Variants in ZBTB39 observed in about 807,000 individuals in gnomAD.
The protein encoded by ZBTB39 is zinc finger and BTB domain containing 39.
Under a neutral mutation model 39.4 loss-of-function variants are expected in ZBTB39, and 25 were observed. That is an observed-to-expected ratio of 0.63 (90% CI 0.46 to 0.89). ZBTB39 has a LOEUF of 0.89. Among genes scored for constraint, ZBTB39 ranks in the 40% least tolerant of loss-of-function variants. The pLI, the probability that ZBTB39 is intolerant of heterozygous loss-of-function variation, is 0.00. For synonymous variants in ZBTB39, 373 were observed against 359.6 expected (o/e 1.04, Z -0.42); for missense variants, 891 against 909.7 (o/e 0.98, Z 0.26).
chr12:57,003,281 C>T lies in ZBTB39; in HGVS notation c.1637G>A (p.Ser546Asn). Residue 546 changes from serine to asparagine, a missense_variant, in exon 2 of 2, where the codon AGC (serine) becomes AAC (asparagine). Transcript: ENST00000300101. The surrounding 1 kb of genome is among the most constrained non-coding windows in gnomAD (Gnocchi z 4.8). The stretch of plus-strand genomic sequence containing the variant: ...GCGATAGGCAGCCTCTGACTTGAAG[C>T]TCTGGCTGCACAAGCGGCAGTGGAA... ...ALFHCRLCSQ[S>N]FKSEAAYRYH... 6.2e-7 allele frequency: 1 copy of T among 1,614,134 alleles called. No homozygotes were observed. The highest frequency in any genetic ancestry group is 1.3e-5 in the African/African-American group (1 of 75,054).
chr12:57,003,248 A>C lies in ZBTB39; in HGVS notation c.1670T>G (p.Val557Gly). 2 of 1,614,220 alleles carry C rather than the reference A, an allele frequency of 1.2e-6. No homozygotes were observed. Among genetic ancestry groups the C allele is most frequent in the Non-Finnish European group, 1.7e-6 (2 of 1,180,026 alleles). The change falls in exon 2 of 2, where the codon GTC (valine) becomes GGC (glycine). Residue 557 changes from valine to glycine, a missense_variant. Coordinates refer to ENST00000300101, the MANE Select transcript of ZBTB39 (RefSeq NM_014830.3). This position sits in a 1 kb window ranked among gnomAD's most constrained non-coding sequence, Gnocchi z 4.8. Reference protein sequence around the residue: ...FKSEAAYRYHVSQHKCNSGLD... With the variant: ...FKSEAAYRYHGSQHKCNSGLD... ...GCCACTGTTGCATTTGTGCTGGCTG[A>C]CGTGGTAGCGATAGGCAGCCTCTGA...
In ZBTB39 at chr12:57,003,780, G is replaced by A. The variant is rs1956226790; in HGVS notation, c.1138C>T (p.His380Tyr). The change falls in exon 2 of 2, where the codon CAC becomes TAC. Residue 380 changes from histidine to tyrosine, a missense_variant. Transcript: ENST00000300101. The surrounding 1 kb of genome is among the most constrained non-coding windows in gnomAD (Gnocchi z 4.8). ...ACCCGGGAGTTTCGGTCCTGGAAGT[G>A]GGTCTCGCAGACCTTGCAGTTGCCC... is the stretch of plus-strand genomic sequence containing the variant. ...LTGNCKVCET[H>Y]FQDRNSRVTH... The A allele has an allele frequency of 1.2e-6, 2 of 1,614,094 alleles. No individual in the cohort carries two copies. Among genetic ancestry groups the A allele is most frequent in the African/African-American group, 1.3e-5 (1 of 74,920 alleles).
In ZBTB39 at chr12:57,001,677, G is replaced by C. The variant is rs552163243; in HGVS notation, c.*1102C>G. The C allele has an allele frequency of 3.9e-5, 6 of 152,802 alleles. No homozygotes were observed. The highest frequency in any genetic ancestry group is 8.8e-5 in the Non-Finnish European group (6 of 68,066). The allele number at this position is 152,802 out of a possible 1,614,324, so 9.5% of individuals were successfully genotyped here. On this transcript the variant is annotated 3_prime_UTR_variant, in exon 2 of 2. Transcript: ENST00000300101. ...GTCAAAGGTGAGCTGACAAAGCTCCGGCACTGTTAGCACAAAGTAAACAGG... is the reference window on the plus strand; with the variant it reads ...GTCAAAGGTGAGCTGACAAAGCTCCCGCACTGTTAGCACAAAGTAAACAGG...
rs776039675 is a variant in ZBTB39, at chr12:57,004,213, C to T, written c.705G>A (p.Thr235=). Reference sequence around the variant, plus strand: ...AGGAGCTCGTGCTGGTCTGGATGCCCGTGCTGACAGTGCCTAGGAGTGGCT... The same window carrying T: ...AGGAGCTCGTGCTGGTCTGGATGCCTGTGCTGACAGTGCCTAGGAGTGGCT... ...MTQPLLGTVS[T]GIQTSTSSCQ... The change falls in exon 2 of 2, where the codon ACG becomes ACA. Residue 235 remains threonine (T), a synonymous_variant. Coordinates refer to ENST00000300101, the MANE Select transcript of ZBTB39 (RefSeq NM_014830.3). 1.3e-5 allele frequency: 21 copies of T among 1,614,032 alleles called. No homozygotes were observed. Among genetic ancestry groups the T allele is most frequent in the South Asian group, 4.4e-5 (4 of 91,074 alleles).
chr12:57,002,919 C>T lies in ZBTB39; in HGVS notation c.1999G>A (p.Gly667Arg), dbSNP rs1166112845. 6.2e-7 allele frequency: 1 copy of T among 1,614,224 alleles called. No individual in the cohort carries two copies. Among genetic ancestry groups the T allele is most frequent in the South Asian group, 1.1e-5 (1 of 91,086 alleles). ...GALMYRCTVC[G>R]HYSSTLNLMS... ...AGGTTAAGGGTGGAACTGTAGTGCC[C>T]ACAGACTGTGCAGCGGTACATGAGG... is the stretch of plus-strand genomic sequence containing the variant. The change falls in exon 2 of 2, where the codon GGG becomes AGG. Residue 667 changes from glycine (G) to arginine (R), a missense_variant. Gly to Arg is a moderately radical substitution (Grantham distance 125, BLOSUM62 -2). Coordinates refer to ENST00000300101, the MANE Select transcript of ZBTB39 (RefSeq NM_014830.3).
rs1592451482 is a variant in ZBTB39 at position 57,003,652 on chromosome 12, T to C, written c.1266A>G (p.Gly422=). 2 of 1,614,140 alleles carry C rather than the reference T, an allele frequency of 1.2e-6. No individual in the cohort carries two copies. The highest frequency in any genetic ancestry group is 1.7e-6 in the Non-Finnish European group (2 of 1,180,020). Residue 422 remains glycine (G), a synonymous_variant, in exon 2 of 2, where the codon GGA becomes GGG. Coordinates refer to ENST00000300101, the MANE Select transcript of ZBTB39 (RefSeq NM_014830.3). The surrounding 1 kb of genome is among the most constrained non-coding windows in gnomAD (Gnocchi z 4.8). ...GGACAATGATGTTGTTCTCAAATATTCCATCCCGTCGGTGAAGGGTCAGCT... is the reference window on the plus strand; with the variant it reads ...GGACAATGATGTTGTTCTCAAATATCCCATCCCGTCGGTGAAGGGTCAGCT... The part of the protein sequence containing the change: ...QWQLTLHRRD[G]IFENNIIVHP...
rs199518174 is a variant in ZBTB39 at position 57,003,811 on chromosome 12, C to G, written c.1107G>C (p.Leu369=). The stretch of plus-strand genomic sequence containing the variant: ...CGCAGACCTTGCAGTTGCCCGTCAG[C>G]AGGTCCACATGGTCCCGAGCATGCT... ...IRQHARDHVD[L]LTGNCKVCET... The change falls in exon 2 of 2, where the codon CTG becomes CTC. Residue 369 remains leucine (L), a synonymous_variant. Transcript: ENST00000300101. This position sits in a 1 kb window ranked among gnomAD's most constrained non-coding sequence, Gnocchi z 4.8. 217 of 1,614,096 alleles carry G rather than the reference C, an allele frequency of 1.3e-4. No homozygotes were observed. The highest frequency in any genetic ancestry group is 1.7e-4 in the Non-Finnish European group (205 of 1,180,048).
chr12:57,005,485 C>T (rs1956239579), intron 1 of ZBTB39, among the ~76,000 whole-genome samples: 1 of 152,166 alleles, frequency 6.6e-6, no homozygotes, highest in African/African-American at 2.4e-5. Flanking sequence ...ATCTCACGTT[C>T]TTGAATCCCC....
chr12:57,002,798 T>C lies in ZBTB39; in HGVS notation c.2120A>G (p.Asp707Gly). 1.2e-6 allele frequency: 2 copies of C among 1,613,968 alleles called. No individual in the cohort carries two copies. The highest frequency in any genetic ancestry group is 1.1e-5 in the South Asian group (1 of 91,078). The change falls in exon 2 of 2, where the codon GAT (aspartate) becomes GGT (glycine). Residue 707 changes from aspartate to glycine, a missense_variant. Transcript: ENST00000300101. ...ACCCAGTCAACTGTCCGGGTTCTTA[T>C]CCGCCTCTTTGGAATGGATGATGTA... ...FMYIIHSKEA[D>G]KNPDS
In ZBTB39 at chr12:57,002,121, A is replaced by G. The variant is rs1956213318; in HGVS notation, c.*658T>C. 1 of 152,668 alleles carries G rather than the reference A, an allele frequency of 6.6e-6. No homozygotes were observed. Among genetic ancestry groups the G allele is most frequent in the Non-Finnish European group, 1.5e-5 (1 of 68,054 alleles). The allele number at this position is 152,668 out of a possible 1,614,324, so 9.5% of individuals were successfully genotyped here. A position where few individuals can be genotyped will look rare whatever the true frequency, so the allele number is the denominator to read the frequency against. The stretch of plus-strand genomic sequence containing the variant: ...CTGCAGGACACCCCTTCTGGCTGGC[A>G]GGGGTTCATCCCAAAGCTTTCTGAC... On this transcript the variant is annotated 3_prime_UTR_variant, in exon 2 of 2. Coordinates refer to ENST00000300101, the MANE Select transcript of ZBTB39 (RefSeq NM_014830.3).
At position 57,004,860 on chromosome 12, in the gene ZBTB39, G is replaced by A; in HGVS notation, c.58C>T (p.Leu20Phe). The change falls in exon 2 of 2, where the codon CTC (leucine) becomes TTC (phenylalanine). Residue 20 changes from leucine to phenylalanine, a missense_variant. Coordinates refer to ENST00000300101, the MANE Select transcript of ZBTB39 (RefSeq NM_014830.3). ...GTCTCTGAGAGCCGGCACTTGTTGA[G>A]TTCCTTCAGCAGGTTGTTGGGGTGG... Reference protein sequence around the residue: ...TNHPNNLLKELNKCRLSETMC... With the variant: ...TNHPNNLLKEFNKCRLSETMC... The A allele has an allele frequency of 6.2e-7, 1 of 1,613,472 alleles. No homozygotes were observed. The highest frequency in any genetic ancestry group is 8.5e-7 in the Non-Finnish European group (1 of 1,179,626).
chr12:57,004,042 A>G lies in ZBTB39; in HGVS notation c.876T>C (p.Asp292=). The change falls in exon 2 of 2, where the codon GAT becomes GAC. Residue 292 remains aspartate, a synonymous_variant. Coordinates refer to ENST00000300101, the MANE Select transcript of ZBTB39 (RefSeq NM_014830.3). ...HSKDPGFGQM[D]ELQLEDLGDD... ...CCCCCAGGTCCTCGAGCTGGAGCTCATCCATCTGCCCAAAGCCAGGATCTT... is the reference window on the plus strand; with the variant it reads ...CCCCCAGGTCCTCGAGCTGGAGCTCGTCCATCTGCCCAAAGCCAGGATCTT... The G allele has an allele frequency of 1.2e-6, 2 of 1,614,258 alleles. No homozygotes were observed. Among genetic ancestry groups the G allele is most frequent in the Non-Finnish European group, 1.7e-6 (2 of 1,180,046 alleles).
rs1956218718 is a variant in ZBTB39 at position 57,002,964 on chromosome 12, G to C, written c.1954C>G (p.Leu652Val). ...FRGRSTIKCH[L>V]KTHSGALMYR... is the part of the protein sequence containing the mutation. Reference sequence around the variant, plus strand: ...ATGAGGGCCCCCGAGTGTGTCTTTAGGTGGCACTTGATGGTCGAGCGGCCT... The same window carrying C: ...ATGAGGGCCCCCGAGTGTGTCTTTACGTGGCACTTGATGGTCGAGCGGCCT... Residue 652 changes from leucine (L) to valine (V), a missense_variant, in exon 2 of 2, where the codon CTA becomes GTA. By Grantham distance (32) the Leu-to-Val change is conservative (BLOSUM62 1). Coordinates refer to ENST00000300101, the MANE Select transcript of ZBTB39 (RefSeq NM_014830.3). 1 of 1,614,242 alleles carries C rather than the reference G, an allele frequency of 6.2e-7. No homozygotes were observed. The highest frequency in any genetic ancestry group is 8.5e-7 in the Non-Finnish European group (1 of 1,180,036).
rs781459831 is a variant in ZBTB39 at position 57,004,514 on chromosome 12, G to T, written c.404C>A (p.Thr135Asn). ...ACCAGAGTGGCTCTCACTGGTGCTG[G>T]TCAGGGGCTTGGCCCTGGCAGTGCT... ...LESTARAKPL[T>N]STSESHSGTL... is the part of the protein sequence containing the mutation. Residue 135 changes from threonine to asparagine, a missense_variant, in exon 2 of 2, where the codon ACC (threonine) becomes AAC (asparagine). Physicochemically the swap from Thr to Asn is moderately conservative, Grantham distance 65. Coordinates refer to ENST00000300101, the MANE Select transcript of ZBTB39 (RefSeq NM_014830.3). 9.9e-6 allele frequency: 16 copies of T among 1,614,044 alleles called. No homozygotes were observed. The East Asian group carries it at 3.6e-4, about 36-fold the overall frequency.
At chr12:57,006,109 A>G (rs1363999767) in intron 1 of ZBTB39, among the ~76,000 whole-genome samples, 2 of 152,122 alleles carry the variant, frequency 1.3e-5, no homozygotes, top group South Asian at 2.1e-4. Flanking sequence ...TCCCCTCCGG[A>G]GTCGCATCTG....
At chr12:57,006,083 C>G (rs998750127) in intron 1 of ZBTB39, among the ~76,000 whole-genome samples, 12 of 152,300 alleles carry the variant, frequency 7.9e-5, no homozygotes, top group African/African-American at 2.9e-4. Context: ...CCCAACAATC[C>G]CCGGGCGCCG....
chr12:57,004,956 G>A lies in ZBTB39; in HGVS notation c.-39C>T. ...ATGAAATTACCTCCTTATCAGCACA[G>A]TTAATCTGTGGATAGCAAGAGAAAA... On this transcript the variant is annotated 5_prime_UTR_variant, in exon 2 of 2. Coordinates refer to ENST00000300101, the MANE Select transcript of ZBTB39 (RefSeq NM_014830.3). 1 of 1,534,892 alleles carries A rather than the reference G, an allele frequency of 6.5e-7. No homozygotes were observed. Among genetic ancestry groups the A allele is most frequent in the Non-Finnish European group, 8.8e-7 (1 of 1,136,252 alleles).
At position 56,998,927 on chromosome 12, in the gene ZBTB39, TCTA is replaced by T; in HGVS notation, c.*3849_*3851del. The T allele has an allele frequency of 6.6e-6, 1 of 152,622 alleles. No individual in the cohort carries two copies. Among genetic ancestry groups the T allele is most frequent in the East Asian group, 1.9e-4 (1 of 5,202 alleles). The allele number at this position is 152,622 out of a possible 1,614,324, so 9.5% of individuals were successfully genotyped here. On this transcript the variant is annotated 3_prime_UTR_variant, in exon 2 of 2. Transcript: ENST00000300101. ...ATCAGATGTACAATGATTTTAGACA[TCTA>T]CTATTTGGGGAAAAAAGTTTACAAA...
Position 57,002,841 on chromosome 12 carries a change from T to A in ZBTB39, c.2077A>T (p.Ile693Phe). 6.2e-7 allele frequency: 1 copy of A among 1,614,196 alleles called. No homozygotes were observed. The highest frequency in any genetic ancestry group is 8.5e-7 in the Non-Finnish European group (1 of 1,180,034). The change falls in exon 2 of 2, where the codon ATC becomes TTC. Residue 693 changes from isoleucine (I) to phenylalanine (F), a missense_variant. Transcript: ENST00000300101. ...HKGSLPPDFT[I>F]EQTFMYIIHS... ...ATGATGTACATGAAGGTCTGCTCGA[T>A]GGTGAAGTCAGGGGGGAGGCTGCCT...
Sources: allele counts gnomAD v4.1 joint callset (sites outside exome capture counted in the v4.1 genomes callset), GRCh38; gene constraint gnomAD v4.1.1; non-coding constraint Gnocchi (gnomAD v3.1); transcripts MANE v1.5; gene names NCBI Gene and HGNC (gene_info 2026-07-23, HGNC 2026-07-21).